Variants in NRXN1 observed in about 807,000 individuals in gnomAD.
NRXN1 encodes the protein neurexin 1.
A neutral mutation model predicts 150.9 loss-of-function variants in NRXN1; 39 were observed. The observed-to-expected ratio is 0.26, with a 90% CI of 0.20 to 0.34. The LOEUF (loss-of-function observed/expected upper bound fraction) is 0.34, where lower values mean the gene tolerates loss of function less well. Ranked by LOEUF, NRXN1 falls within the 10% of genes least tolerant of loss-of-function variation. The pLI, the probability that NRXN1 is intolerant of heterozygous loss-of-function variation, is 1.00. For missense variants in NRXN1, 1,815 were observed against 1,949.9 expected, an observed-to-expected ratio of 0.93 and a Z score of 1.30; for synonymous variants, 924 against 757.0, an observed-to-expected ratio of 1.22 and a Z score of -3.62.
intron 17 of NRXN1, among the ~76,000 whole-genome samples, chr2:50,341,977 T>A (rs1166100009): frequency 6.6e-6 from 1 of 152,228 alleles, no homozygotes; most frequent in African/African-American, 2.4e-5. Context: ...GATTAACTCT[T>A]TCCAACAATA....
chr2:50,487,686 G>T (rs575343879), intron 15 of NRXN1, among the ~76,000 whole-genome samples: 1 of 152,284 alleles, frequency 6.6e-6, no homozygotes, highest in African/African-American at 2.4e-5. Context: ...GCTTTCTTCT[G>T]GCGGGGACTG....
At chr2:50,863,051 A>C (rs1676367899) in intron 5 of NRXN1, among the ~76,000 whole-genome samples, 1 of 152,082 alleles carries the variant, frequency 6.6e-6, no homozygotes, top group Admixed American at 6.6e-5. Context: ...AATATGAAGA[A>C]AAGGATAACA....
intron 5 of NRXN1, among the ~76,000 whole-genome samples, chr2:50,717,373 C>T (rs1331079534): frequency 1.3e-5 from 2 of 152,036 alleles, no homozygotes; most frequent in Non-Finnish European, 2.9e-5. Context: ...CATTGAAACA[C>T]AATTATTAAT....
intron 17 of NRXN1, among the ~76,000 whole-genome samples, chr2:50,313,472 T>A (rs771476489): frequency 6.6e-6 from 1 of 152,132 alleles, no homozygotes; most frequent in Non-Finnish European, 1.5e-5. Context: ...CTCCCTGCCA[T>A]GAAAGCTGTG....
intron 17 of NRXN1, among the ~76,000 whole-genome samples, chr2:50,326,415 TAGAA>T (rs2076387256): frequency 6.6e-6 from 1 of 152,216 alleles, no homozygotes; most frequent in Non-Finnish European, 1.5e-5. Context: ...CATGTAAAAG[TAGAA>T]AGTACTTTTT....
In NRXN1 at chr2:51,029,163, T is replaced by C. The variant is rs569895161; in HGVS notation, c.-890A>G. 6.6e-6 allele frequency: 1 copy of C among 152,346 alleles called. No individual in the cohort carries two copies. Among genetic ancestry groups the C allele is most frequent in the South Asian group, 2.1e-4 (1 of 4,830 alleles). 9.4% of individuals were successfully genotyped at this position (152,346 alleles called of 1,614,324 possible). A position where few individuals can be genotyped will look rare whatever the true frequency, so the allele number is the denominator to read the frequency against. ...GTTGTGTGTTGGTGATGCATTTTGG[T>C]TTTATCTTGTCTTTTTTAAGGACTC... is the stretch of plus-strand genomic sequence containing the variant. On this transcript the variant is annotated 5_prime_UTR_variant, in exon 2 of 23. Transcript: ENST00000401669.
chr2:50,609,047 G>C (rs1677597141), intron 8 of NRXN1, among the ~76,000 whole-genome samples: 1 of 152,030 alleles, frequency 6.6e-6, no homozygotes, highest in Admixed American at 6.6e-5. Context: ...AAGCACACTG[G>C]GCTTGGAGTC....
intron 17 of NRXN1, among the ~76,000 whole-genome samples, chr2:50,398,018 A>G (rs887927533): frequency 2.6e-5 from 4 of 152,308 alleles, no homozygotes; most frequent in African/African-American, 9.6e-5. Flanking sequence ...ATTTCACATT[A>G]GAAAGGAAGA....
At chr2:50,396,587 C>G (rs974256656) in intron 17 of NRXN1, among the ~76,000 whole-genome samples, 1 of 152,062 alleles carries the variant, frequency 6.6e-6, no homozygotes, top group African/African-American at 2.4e-5. Context: ...AAAACGAGAA[C>G]TTCTTTTTGG....
chr2:50,522,385 T>C (rs538380922), intron 12 of NRXN1, among the ~76,000 whole-genome samples: 2 of 152,344 alleles, frequency 1.3e-5, no homozygotes, highest in South Asian at 2.1e-4. Context: ...CTCAAGAATG[T>C]TGCATTACTT....
At chr2:50,462,160 C>A (rs2088297472) in intron 17 of NRXN1, among the ~76,000 whole-genome samples, 1 of 151,846 alleles carries the variant, frequency 6.6e-6, no homozygotes. Context: ...ATTACAATTA[C>A]ATGCAGCATG....
intron 12 of NRXN1, among the ~76,000 whole-genome samples, chr2:50,516,553 GT>G: frequency 6.6e-6 from 1 of 152,142 alleles, no homozygotes; most frequent in Non-Finnish European, 1.5e-5. Context: ...TCTCAGGCTT[GT>G]TTTGCTGGCC....
chr2:50,099,203 G>T (rs1309838356), intron 18 of NRXN1, among the ~76,000 whole-genome samples: 1 of 151,872 alleles, frequency 6.6e-6, no homozygotes, highest in Non-Finnish European at 1.5e-5. Flanking sequence ...CACTGCCTTA[G>T]GTGTTAGTTT....
At chr2:50,019,074 C>G (rs1234487700) in intron 21 of NRXN1, among the ~76,000 whole-genome samples, 1 of 152,144 alleles carries the variant, frequency 6.6e-6, no homozygotes, top group African/African-American at 2.4e-5. Flanking sequence ...CCTAATGACT[C>G]TCCCTGTTTT....
At position 50,623,584 on chromosome 2, in the gene NRXN1, T is replaced by A. The variant is rs373654735; in HGVS notation, c.864A>T (p.Gly288=). 5 of 1,612,544 alleles carry A rather than the reference T, an allele frequency of 3.1e-6. No individual in the cohort carries two copies. Among genetic ancestry groups the A allele is most frequent in the Non-Finnish European group, 4.2e-6 (5 of 1,178,958 alleles). The change falls in exon 6 of 23, where the codon GGA becomes GGT. Residue 288 remains glycine, a synonymous_variant. Coordinates refer to ENST00000401669, the MANE Select transcript of NRXN1 (RefSeq NM_001330078.2). ...GKEEYIATFK[G]SEYFCYDLSQ... ...ACAAGTCGTAGCAGAAGTATTCAGA[T>A]CCTTTGAACGTGGCAATATATTCTT...
chr2:50,103,269 G>A (rs1701203301), intron 18 of NRXN1, among the ~76,000 whole-genome samples: 1 of 152,012 alleles, frequency 6.6e-6, no homozygotes, highest in Non-Finnish European at 1.5e-5. Flanking sequence ...GTGGTGGAAT[G>A]TCTTGTTAAC....
intron 6 of NRXN1, among the ~76,000 whole-genome samples, chr2:50,623,055 G>A (rs1680324264): frequency 6.6e-6 from 1 of 152,074 alleles, no homozygotes; most frequent in African/African-American, 2.4e-5. Flanking sequence ...TCACAGGAAG[G>A]GCAGGTCGCA....
intron 15 of NRXN1, among the ~76,000 whole-genome samples, chr2:50,478,382 G>C (rs1471172980): frequency 6.6e-6 from 1 of 152,040 alleles, no homozygotes; most frequent in East Asian, 1.9e-4. Context: ...AACTATACAA[G>C]ATCATTTCTA....
chr2:50,881,268 A>C (rs6727808), intron 5 of NRXN1, among the ~76,000 whole-genome samples: 4 of 151,688 alleles, frequency 2.6e-5, no homozygotes, highest in Admixed American at 6.6e-5. Flanking sequence ...TTAGCAATCT[A>C]TTCCCCTTCT....
Sources: gnomAD v4.1 joint callset for allele counts (sites outside exome capture counted in the v4.1 genomes callset) on GRCh38, gnomAD v4.1.1 for gene constraint, MANE v1.5 for transcripts, NCBI Gene and HGNC (gene_info 2026-07-23, HGNC 2026-07-21) for gene names.